CCDC73: variants seen among roughly 807,000 people sequenced by gnomAD.
The protein encoded by CCDC73 is coiled-coil domain containing 73, also known as coiled-coil domain-containing protein 73.
CCDC73 carries 95 observed loss-of-function variants against 116.5 expected under a neutral mutation model. The observed-to-expected ratio is 0.82, with a 90% CI of 0.69 to 0.97. CCDC73 has a LOEUF of 0.97. Among genes scored for constraint, CCDC73 ranks in the 50% least tolerant of loss-of-function variants. The pLI, the probability that CCDC73 is intolerant of heterozygous loss-of-function variation, is 0.00. For missense variants in CCDC73, 1,066 were observed against 1,206.8 expected, an observed-to-expected ratio of 0.88 and a Z score of 1.73; for synonymous variants, 398 against 401.3, an observed-to-expected ratio of 0.99 and a Z score of 0.10.
At chr11:32,742,352 C>T (rs1282969807) in intron 2 of CCDC73, among the ~76,000 whole-genome samples, 3 of 152,210 alleles carry the variant, frequency 2.0e-5, no homozygotes, top group South Asian at 2.1e-4. Flanking sequence ...ACCATTCTAA[C>T]TGGCATGAGA....
chr11:32,652,341 A>G (rs939556237), intron 12 of CCDC73, among the ~76,000 whole-genome samples: 2 of 151,650 alleles, frequency 1.3e-5, no homozygotes, highest in Non-Finnish European at 2.9e-5. Context: ...ACAAAACAAA[A>G]CAAAACAAAA....
intron 17 of CCDC73, chr11:32,604,185 C>T (rs895633148): frequency 6.6e-6 from 1 of 152,450 alleles, no homozygotes; most frequent in Admixed American, 6.5e-5. Flanking sequence ...TGCAGTGGCA[C>T]AATCACAGCT....
chr11:32,621,077 A>C (rs549582036), intron 14 of CCDC73, among the ~76,000 whole-genome samples: 159 of 152,288 alleles, frequency 1.0e-3, no homozygotes, highest in Admixed American at 2.3e-3. Context: ...GAATCAATAT[A>C]GTGAAAATGG....
intron 13 of CCDC73, among the ~76,000 whole-genome samples, chr11:32,638,203 ATTC>A (rs949218770): frequency 2.6e-5 from 4 of 152,294 alleles, no homozygotes; most frequent in African/African-American, 9.6e-5. Context: ...TTATTACAAC[ATTC>A]TTCTTATTGA....
At chr11:32,680,138 C>T (rs1856130242) in intron 7 of CCDC73, 1 of 152,122 alleles carries the variant, frequency 6.6e-6, no homozygotes, top group Non-Finnish European at 1.5e-5. Context: ...TGAAGAGGTC[C>T]ATTGTCCAGT....
intron 1 of CCDC73, among the ~76,000 whole-genome samples, chr11:32,768,362 A>G (rs1850462240): frequency 6.6e-6 from 1 of 152,224 alleles, no homozygotes; most frequent in East Asian, 1.9e-4. Flanking sequence ...TAGGAGATAT[A>G]CGTAACATAA....
At chr11:32,690,440 T>G (rs893599648) in intron 6 of CCDC73, among the ~76,000 whole-genome samples, 3 of 152,128 alleles carry the variant, frequency 2.0e-5, no homozygotes, top group African/African-American at 7.2e-5. Flanking sequence ...GGTACTGATA[T>G]GGTTTGGCTC....
intron 6 of CCDC73, among the ~76,000 whole-genome samples, chr11:32,694,929 G>A (rs909833328): frequency 2.0e-5 from 3 of 152,186 alleles, no homozygotes; most frequent in African/African-American, 7.2e-5. Flanking sequence ...CTAGAGAACC[G>A]TGAAAGGGGG....
At chr11:32,803,459 C>G in the CCDC73 span, among the ~76,000 whole-genome samples, 8 of 152,196 alleles carry the variant, frequency 5.3e-5, no homozygotes, top group Non-Finnish European at 1.2e-4. Context: ...CAGCATGCAC[C>G]TTTTAGTAAA....
chr11:32,659,662 C>T lies in CCDC73; in HGVS notation c.646-4690G>A, dbSNP rs569773374. 5.9e-5 allele frequency among the ~76,000 whole-genome samples: 9 copies of T among 152,254 alleles called. No individual in the cohort carries two copies. The East Asian group carries it at 1.4e-3, about 23-fold the overall frequency. The stretch of plus-strand genomic sequence containing the variant: ...AATGAAAAACACAAAGTGTCAGTAA[C>T]ACTTAGGATGCTTTAGCTATAAATA... On this transcript the variant is annotated intron_variant, in intron 9 of 17. Transcript: ENST00000335185.
Position 32,614,907 on chromosome 11 carries a change from T to C in CCDC73, c.1411A>G (p.Ile471Val). 6.2e-7 allele frequency: 1 copy of C among 1,606,476 alleles called. No homozygotes were observed. The highest frequency in any genetic ancestry group is 1.1e-5 in the South Asian group (1 of 90,100). Reference sequence around the variant, plus strand: ...TCATCCTGAGAAACAACAGTATCAATTTCATTCTTGAAGCTTTTTTCAAAA... The same window carrying C: ...TCATCCTGAGAAACAACAGTATCAACTTCATTCTTGAAGCTTTTTTCAAAA... ...QLFEKSFKNE[I>V]DTVVSQDENQ... Residue 471 changes from isoleucine (I) to valine (V), a missense_variant, in exon 16 of 18, where the codon ATT (isoleucine) becomes GTT (valine). Ile to Val is a conservative substitution (Grantham distance 29, BLOSUM62 3). Coordinates refer to ENST00000335185, the MANE Select transcript of CCDC73 (RefSeq NM_001008391.4).
chr11:32,784,902 G>A (rs372251944), intron 1 of CCDC73, among the ~76,000 whole-genome samples: 5 of 152,254 alleles, frequency 3.3e-5, no homozygotes, highest in East Asian at 3.9e-4. Flanking sequence ...GGCTGGGCAC[G>A]GTGGCTCATG....
chr11:32,637,422 C>T (rs1228800300), intron 13 of CCDC73, among the ~76,000 whole-genome samples: 2 of 152,142 alleles, frequency 1.3e-5, no homozygotes, highest in African/African-American at 2.4e-5. Flanking sequence ...TCTCAAATAT[C>T]ACCTGCAAAT....
At chr11:32,684,497 T>C (rs1565075451) in intron 6 of CCDC73, among the ~76,000 whole-genome samples, 1 of 152,258 alleles carries the variant, frequency 6.6e-6, no homozygotes, top group Admixed American at 6.5e-5. Flanking sequence ...AGCTTTTTAA[T>C]GGCTACACAG....
intron 15 of CCDC73, 35 bp downstream of exon 15, chr11:32,615,905 C>T: frequency 6.8e-7 from 1 of 1,469,604 alleles, no homozygotes; most frequent in Non-Finnish European, 9.2e-7. Context: ...TATCAACATA[C>T]AAATTAGAAA....
intron 2 of CCDC73, among the ~76,000 whole-genome samples, chr11:32,754,376 A>C (rs1850313473): frequency 6.6e-6 from 1 of 152,230 alleles, no homozygotes; most frequent in Non-Finnish European, 1.5e-5. Flanking sequence ...AGAGGCAAAT[A>C]GGAAGAAATA....
intron 13 of CCDC73, among the ~76,000 whole-genome samples, chr11:32,636,182 A>G (rs1050144300): frequency 2.0e-5 from 3 of 152,190 alleles, no homozygotes; most frequent in African/African-American, 7.2e-5. Context: ...ACAATATTAA[A>G]CTACCTCTTG....
intron 1 of CCDC73, among the ~76,000 whole-genome samples, chr11:32,786,163 T>C (rs558090172): frequency 4.0e-5 from 6 of 151,696 alleles, no homozygotes; most frequent in Admixed American, 1.3e-4. Flanking sequence ...CCTTCCCCTA[T>C]CCTGAAACAC....
At chr11:32,751,559 G>A (rs1850287746) in intron 2 of CCDC73, among the ~76,000 whole-genome samples, 1 of 152,214 alleles carries the variant, frequency 6.6e-6, no homozygotes, top group Non-Finnish European at 1.5e-5. Context: ...CACCGGCTGG[G>A]TTCCGCCTGG....
Sources: gnomAD v4.1 joint callset for allele counts (sites outside exome capture counted in the v4.1 genomes callset) on GRCh38, gnomAD v4.1.1 for gene constraint, MANE v1.5 for transcripts, NCBI Gene and HGNC (gene_info 2026-07-23, HGNC 2026-07-21) for gene names.